Variants in IMMP2L observed in about 807,000 individuals in gnomAD.
IMMP2L encodes the protein inner mitochondrial membrane peptidase subunit 2.
Under a neutral mutation model 19.3 loss-of-function variants are expected in IMMP2L, and 18 were observed. That is an observed-to-expected ratio of 0.93 (90% CI 0.64 to 1.38). The LOEUF (loss-of-function observed/expected upper bound fraction) is 1.38. Among genes scored for constraint, IMMP2L ranks in the 40% most tolerant of loss-of-function variants. The pLI is 0.00. For synonymous variants in IMMP2L, 76 were observed against 73.0 expected, an observed-to-expected ratio of 1.04 and a Z score of -0.21; for missense variants, 233 against 218.2, an observed-to-expected ratio of 1.07 and a Z score of -0.43.
chr7:110,751,736 T>G (rs1797730967), intron 5 of IMMP2L, among the ~76,000 whole-genome samples: 1 of 152,020 alleles, frequency 6.6e-6, no homozygotes, highest in African/African-American at 2.4e-5. Flanking sequence ...TGAAAATAAA[T>G]ACTTCTAAAT....
At chr7:110,817,346 T>A (rs1802616918) in intron 5 of IMMP2L, among the ~76,000 whole-genome samples, 1 of 151,938 alleles carries the variant, frequency 6.6e-6, no homozygotes, top group African/African-American at 2.4e-5. Flanking sequence ...AAATCATGAG[T>A]GAACTCCCAT....
chr7:111,021,489 G>A (rs567871103), intron 3 of IMMP2L, among the ~76,000 whole-genome samples: 132 of 152,300 alleles, frequency 8.7e-4, no homozygotes, highest in South Asian at 3.5e-3. Flanking sequence ...TACATGCCTG[G>A]GGAGGCCTCA....
intron 3 of IMMP2L, among the ~76,000 whole-genome samples, chr7:110,993,416 G>A (rs1248285678): frequency 6.6e-6 from 1 of 151,952 alleles, no homozygotes; most frequent in Non-Finnish European, 1.5e-5. Flanking sequence ...TTTCTAGAAA[G>A]GTTACCCTGA....
At chr7:111,458,381 GA>G (rs111432225) in intron 3 of IMMP2L, among the ~76,000 whole-genome samples, 3,155 of 142,622 alleles carry the variant, frequency 0.022, 113 homozygotes, top group African/African-American at 0.076. Flanking sequence ...ACCATCTCAA[GA>G]AAAAAAAAAA....
At chr7:111,405,394 T>C (rs951065234) in intron 3 of IMMP2L, among the ~76,000 whole-genome samples, 25 of 152,004 alleles carry the variant, frequency 1.6e-4, no homozygotes, top group Non-Finnish European at 3.2e-4. Context: ...AGTTTAAAAA[T>C]AGCATATTTG....
chr7:111,014,717 GCAA>G (rs988706180), intron 3 of IMMP2L, among the ~76,000 whole-genome samples: 1 of 151,956 alleles, frequency 6.6e-6, no homozygotes. Context: ...CCTCTTATAT[GCAA>G]CAACAACAAA....
intron 5 of IMMP2L, among the ~76,000 whole-genome samples, chr7:110,786,147 G>C (rs1326853060): frequency 6.6e-6 from 1 of 151,810 alleles, no homozygotes; most frequent in African/African-American, 2.4e-5. Flanking sequence ...CCCAGTCTAA[G>C]ATAGAAACAG....
chr7:111,281,216 A>AAAGAAAGAAAGAAAGAAAG (rs1819809403), intron 3 of IMMP2L, among the ~76,000 whole-genome samples: 5 of 38,758 alleles, frequency 1.3e-4, no homozygotes, highest in African/African-American at 4.9e-4. Flanking sequence ...GAAAGAAAGA[A>AAAGAAAGAAAGAAAGAAAG]AAAGAAAGAA....
intron 3 of IMMP2L, among the ~76,000 whole-genome samples, chr7:111,278,813 A>G (rs1422111356): frequency 6.6e-6 from 1 of 152,212 alleles, no homozygotes; most frequent in East Asian, 1.9e-4. Flanking sequence ...TATTTCCTTG[A>G]AATCTACACC....
At position 111,188,576 on chromosome 7, in the gene IMMP2L, G is replaced by A. The variant is rs189312382; in HGVS notation, c.240-225011C>T. On this transcript the variant is annotated intron_variant, in intron 3 of 5. Coordinates refer to ENST00000405709, the MANE Select transcript of IMMP2L (RefSeq NM_032549.4). ...TAAGATTTCAACATATGAATTTGGG[G>A]AGTAGACATTCAGTCCATAAGAGCT... Among the ~76,000 whole-genome samples, 352 of 152,206 alleles carry A rather than the reference G, an allele frequency of 2.3e-3. 1 individual carries two copies. The highest frequency in any genetic ancestry group is 3.6e-3 in the Non-Finnish European group (244 of 68,012).
At chr7:110,706,334 G>A (rs1400602721) in intron 5 of IMMP2L, among the ~76,000 whole-genome samples, 1 of 152,020 alleles carries the variant, frequency 6.6e-6, no homozygotes, top group Admixed American at 6.6e-5. Context: ...GAACTCCAGG[G>A]CCCCAGCAAT....
intron 4 of IMMP2L, among the ~76,000 whole-genome samples, chr7:110,941,034 G>C (rs1427891684): frequency 6.6e-6 from 1 of 152,136 alleles, no homozygotes; most frequent in African/African-American, 2.4e-5. Flanking sequence ...CTACTATTGA[G>C]AGTTATGCTC....
chr7:110,719,341 G>T (rs889920120), intron 5 of IMMP2L, among the ~76,000 whole-genome samples: 5 of 152,016 alleles, frequency 3.3e-5, no homozygotes, highest in Admixed American at 3.3e-4. Flanking sequence ...TACAGGAAAA[G>T]GTATTTCAAG....
intron 3 of IMMP2L, among the ~76,000 whole-genome samples, chr7:111,092,483 G>T (rs909712877): frequency 6.6e-6 from 1 of 152,080 alleles, no homozygotes; most frequent in Non-Finnish European, 1.5e-5. Context: ...GAGTAGAACC[G>T]TCCTAATTTA....
At chr7:110,821,773 A>C (rs79054747) in intron 5 of IMMP2L, among the ~76,000 whole-genome samples, 1 of 151,900 alleles carries the variant, frequency 6.6e-6, no homozygotes, top group Admixed American at 6.6e-5. Context: ...GAAAAAAAAA[A>C]TTACCTGGGC....
At chr7:111,391,881 T>A (rs1293193393) in intron 3 of IMMP2L, 1 of 702,628 alleles carries the variant, frequency 1.4e-6, no homozygotes, top group Non-Finnish European at 2.6e-6. Flanking sequence ...ATTCCTGCCC[T>A]CTGTTCTAAA....
intron 1 of IMMP2L, among the ~76,000 whole-genome samples, chr7:111,560,607 CACT>C (rs1791928945): frequency 6.6e-6 from 1 of 152,164 alleles, no homozygotes; most frequent in Admixed American, 6.5e-5. Flanking sequence ...ACCTGCAAAC[CACT>C]ATGATCAGTA....
intron 3 of IMMP2L, among the ~76,000 whole-genome samples, chr7:110,991,154 G>T (rs772571360): frequency 9.2e-5 from 14 of 152,212 alleles, no homozygotes; most frequent in Middle Eastern, 3.4e-3. Context: ...ATTAATAAAT[G>T]ATAATGCTCT....
At chr7:111,485,975 T>C (rs1356001236) in intron 3 of IMMP2L, among the ~76,000 whole-genome samples, 1 of 152,096 alleles carries the variant, frequency 6.6e-6, no homozygotes, top group African/African-American at 2.4e-5. Flanking sequence ...AGTGAGGATA[T>C]AACCTTGTCA....
Sources: gnomAD v4.1 joint callset for allele counts (sites outside exome capture counted in the v4.1 genomes callset) on GRCh38, gnomAD v4.1.1 for gene constraint, MANE v1.5 for transcripts, NCBI Gene and HGNC (gene_info 2026-07-23, HGNC 2026-07-21) for gene names.